The following SIMC1 variants were observed in gnomAD, a reference collection of about 807,000 sequenced individuals.
SIMC1 encodes the protein SUMO interacting motifs containing 1.
SIMC1 carries 55 observed loss-of-function variants against 82.3 expected under a neutral mutation model. That is an observed-to-expected ratio of 0.67 (90% CI 0.54 to 0.84). The LOEUF (loss-of-function observed/expected upper bound fraction) is 0.84, where lower values mean the gene tolerates loss of function less well. Among genes scored for constraint, SIMC1 ranks in the 40% least tolerant of loss-of-function variants. The probability of loss-of-function intolerance (pLI) is 0.00; values close to 1 mark genes in which losing one functional copy is unlikely to be tolerated. For missense variants in SIMC1, 915 were observed against 1,107.2 expected (o/e 0.83, Z 2.46); for synonymous variants, 353 against 426.3 (o/e 0.83, Z 2.12).
At chr5:176,250,186 A>G (rs1761603447) in intron 1 of SIMC1, among the ~76,000 whole-genome samples, 1 of 152,208 alleles carries the variant, frequency 6.6e-6, no homozygotes, top group African/African-American at 2.4e-5. Flanking sequence ...CCCAGGTTTC[A>G]AAGAATTATT....
chr5:176,309,778 A>T (rs1581292720), intron 4 of SIMC1, among the ~76,000 whole-genome samples: 1 of 152,068 alleles, frequency 6.6e-6, no homozygotes, highest in Non-Finnish European at 1.5e-5. Context: ...CTACAAAAAA[A>T]TTTTTTTAAA....
At chr5:176,345,121 ACTT>A (rs1276318709) in intron 9 of SIMC1, 59 bp from the exon 10 acceptor site, 7 of 1,548,306 alleles carry the variant, frequency 4.5e-6, no homozygotes, top group Non-Finnish European at 6.1e-6. Context: ...CCAAAATTAG[ACTT>A]CTTAAAAAGA....
intron 7 of SIMC1, among the ~76,000 whole-genome samples, chr5:176,325,188 C>T (rs1765325598): frequency 6.6e-6 from 1 of 151,896 alleles, no homozygotes; most frequent in Non-Finnish European, 1.5e-5. Context: ...GAGTTCAAGA[C>T]CAGCCTTGGC....
rs548723048 is a variant in SIMC1 at position 176,319,006 on chromosome 5, G to A, written c.1890-3267G>A. On this transcript the variant is annotated intron_variant, in intron 5 of 9. Transcript: ENST00000429602. ...CACCTGTGGTCCCAGCTACTCGGAA[G>A]GCTGAGATAGGAGGATCACTTGAGC... Among the ~76,000 whole-genome samples, 9 of 152,338 alleles carry A rather than the reference G, an allele frequency of 5.9e-5. No homozygotes were observed. In the South Asian group the frequency reaches 1.4e-3, roughly 25 times the overall value.
At chr5:176,280,674 T>G (rs1295677176) in intron 1 of SIMC1, among the ~76,000 whole-genome samples, 1 of 152,180 alleles carries the variant, frequency 6.6e-6, no homozygotes, top group Non-Finnish European at 1.5e-5. Context: ...GTAAAGGATT[T>G]TATTTCTCTT....
At chr5:176,296,863 T>C (rs1281761942) in intron 4 of SIMC1, among the ~76,000 whole-genome samples, 6 of 152,292 alleles carry the variant, frequency 3.9e-5, no homozygotes, top group Non-Finnish European at 7.3e-5. Flanking sequence ...GAGAAAGTTA[T>C]AAATTCATGG....
chr5:176,268,084 A>G (rs1215582121), intron 1 of SIMC1, among the ~76,000 whole-genome samples: 4 of 143,002 alleles, frequency 2.8e-5, no homozygotes, highest in Non-Finnish European at 4.6e-5. Flanking sequence ...AAAATTTTCT[A>G]AAGTACACTG....
chr5:176,338,732 G>A (rs1218660823), intron 9 of SIMC1, among the ~76,000 whole-genome samples: 1 of 151,790 alleles, frequency 6.6e-6, no homozygotes, highest in Non-Finnish European at 1.5e-5. Flanking sequence ...ATGGCACTTG[G>A]GAAAGTAAGA....
At chr5:176,297,301 G>A (rs1316775414) in intron 4 of SIMC1, among the ~76,000 whole-genome samples, 1 of 152,136 alleles carries the variant, frequency 6.6e-6, no homozygotes, top group East Asian at 1.9e-4. Flanking sequence ...GGGAGTTTGA[G>A]ACCAGCCTGC....
chr5:176,320,220 C>T (rs1765099562), intron 5 of SIMC1, among the ~76,000 whole-genome samples: 1 of 152,074 alleles, frequency 6.6e-6, no homozygotes, highest in South Asian at 2.1e-4. Flanking sequence ...GCCTGGTATC[C>T]CAGTCCAGAG....
chr5:176,301,778 C>CAA (rs528674679), intron 4 of SIMC1, among the ~76,000 whole-genome samples: 69 of 98,496 alleles, frequency 7.0e-4, no homozygotes, highest in Admixed American at 1.6e-3. Flanking sequence ...GACTCTGTCT[C>CAA]AAAAAAAAAA....
chr5:176,295,338 G>C (rs912174601), intron 3 of SIMC1, 76 bp downstream of exon 3: 5 of 1,494,704 alleles, frequency 3.3e-6, no homozygotes, highest in South Asian at 1.4e-5. Flanking sequence ...CTCTTGACAG[G>C]CTTTTTTAAC....
chr5:176,336,326 C>G (rs769515983), intron 7 of SIMC1, among the ~76,000 whole-genome samples: 1 of 152,184 alleles, frequency 6.6e-6, no homozygotes, highest in South Asian at 2.1e-4. Context: ...TTTTGCATAC[C>G]CCTTGCCCCT....
chr5:176,250,627 T>G (rs1761616239), intron 1 of SIMC1, among the ~76,000 whole-genome samples: 1 of 152,224 alleles, frequency 6.6e-6, no homozygotes, highest in African/African-American at 2.4e-5. Context: ...AGAACTTGCT[T>G]TATGAATCGG....
At chr5:176,287,706 TA>T (rs1561695519) in intron 1 of SIMC1, among the ~76,000 whole-genome samples, 1 of 140,568 alleles carries the variant, frequency 7.1e-6, no homozygotes, top group East Asian at 2.1e-4. Context: ...ATTGAAAGAA[TA>T]AAAAAAGAAA....
At chr5:176,336,118 T>C (rs193275494) in intron 7 of SIMC1, among the ~76,000 whole-genome samples, 112 of 144,014 alleles carry the variant, frequency 7.8e-4, no homozygotes, top group African/African-American at 2.8e-3. Flanking sequence ...GAGAGAGAGA[T>C]TAGAAAGCAA....
At chr5:176,286,278 C>T (rs1478721487) in intron 1 of SIMC1, among the ~76,000 whole-genome samples, 8 of 152,198 alleles carry the variant, frequency 5.3e-5, no homozygotes. Context: ...GGTACTGGTA[C>T]CAAAACAGAG....
intron 6 of SIMC1, chr5:176,322,768 GAGA>G (rs1765220993): frequency 5.1e-6 from 1 of 194,232 alleles, no homozygotes; most frequent in Non-Finnish European, 1.1e-5. Flanking sequence ...TGTTGCCATA[GAGA>G]AGGAGTGGTG....
chr5:176,310,425 G>A (rs752580246), intron 4 of SIMC1, among the ~76,000 whole-genome samples: 3 of 152,188 alleles, frequency 2.0e-5, no homozygotes, highest in Admixed American at 6.5e-5. Context: ...CAACAGGTAC[G>A]TGGTTAAACA....
Sources: gnomAD v4.1 joint callset for allele counts (sites outside exome capture counted in the v4.1 genomes callset) on GRCh38, gnomAD v4.1.1 for gene constraint, MANE v1.5 for transcripts, NCBI Gene and HGNC (gene_info 2026-07-23, HGNC 2026-07-21) for gene names.